ZNF738: variants seen among roughly 807,000 people sequenced by gnomAD.
ZNF738 encodes zinc finger protein 738, also known as protein ZNF738.
In ZNF738, 10 loss-of-function variants were observed where a neutral mutation model predicts 9.2. That is an observed-to-expected ratio of 1.09 (90% confidence interval 0.67 to 1.85). ZNF738 has a LOEUF of 1.85. ZNF738 is among the 40% of genes most tolerant of loss of function. The pLI, the probability that ZNF738 is intolerant of heterozygous loss-of-function variation, is 0.00. For missense variants in ZNF738, 346 were observed against 283.6 expected (o/e 1.22, Z -1.58); for synonymous variants, 113 against 94.5 (o/e 1.20, Z -1.14).
In ZNF738 at chr19:21,386,676, G is replaced by GA; in HGVS notation, c.*3007dup. On this transcript the variant is annotated 3_prime_UTR_variant, in exon 5 of 5. Transcript: ENST00000683779. Reference sequence around the variant, plus strand: ...TATTGGAGATTAACCTTATGAGTGTGAAAAATATGGCAAAAGCTTTAACTA... The same window carrying GA: ...TATTGGAGATTAACCTTATGAGTGTGAAAAAATATGGCAAAAGCTTTAACTA... 5.5e-6 allele frequency: 1 copy of GA among 183,124 alleles called. No homozygotes were observed. 11.3% of individuals were successfully genotyped at this position (183,124 alleles called of 1,614,324 possible).
Position 21,383,737 on chromosome 19 carries a change from G to C in ZNF738, c.*63G>C. The C allele has an allele frequency of 1.8e-6, 2 of 1,096,692 alleles. No homozygotes were observed. The highest frequency in any genetic ancestry group is 2.5e-5 in the South Asian group (2 of 81,008). The allele number at this position is 1,096,692 out of a possible 1,614,324, so 67.9% of individuals were successfully genotyped here. On this transcript the variant is annotated 3_prime_UTR_variant, in exon 5 of 5. Transcript: ENST00000683779. Reference sequence around the variant, plus strand: ...GACATAAGATAATTCATACTGAAGAGAAACCCTACAAATGTGAGGAATGTG... The same window carrying C: ...GACATAAGATAATTCATACTGAAGACAAACCCTACAAATGTGAGGAATGTG...
In ZNF738 at chr19:21,382,868, A is replaced by C. The variant is rs1356133539; in HGVS notation, c.322A>C (p.Thr108Pro). The stretch of plus-strand genomic sequence containing the variant: ...CTTGATATTTTTATTTCTTTCAGTT[A>C]CATATTCTCATTTTGCCCAGGACCT... ...RHSMVATPPV[T>P]YSHFAQDLWP... The change falls in exon 5 of 5, where the codon ACA (threonine) becomes CCA (proline). Residue 108 changes from threonine to proline, a missense_variant and splice_region_variant. Thr to Pro is a conservative substitution (Grantham distance 38). Transcript: ENST00000683779. The C allele has an allele frequency of 4.4e-6, 2 of 450,062 alleles. No individual in the cohort carries two copies. The highest frequency in any genetic ancestry group is 8.6e-6 in the Non-Finnish European group (2 of 233,606). The allele number at this position is 450,062 out of a possible 1,614,324, so 27.9% of individuals were successfully genotyped here.
intron 2 of ZNF738, among the ~76,000 whole-genome samples, chr19:21,368,500 G>A (rs1171854543): frequency 1.3e-5 from 2 of 151,006 alleles, no homozygotes; most frequent in African/African-American, 2.4e-5. Flanking sequence ...TGCTCTTGTT[G>A]TCCAGGCTGG....
intron 2 of ZNF738, among the ~76,000 whole-genome samples, chr19:21,366,572 G>A (rs534381888): frequency 2.0e-5 from 3 of 152,250 alleles, no homozygotes; most frequent in South Asian, 2.1e-4. Flanking sequence ...GAGGGTTCTT[G>A]TATCTTGCTC....
intron 2 of ZNF738, among the ~76,000 whole-genome samples, chr19:21,369,144 T>C (rs989995464): frequency 4.6e-5 from 7 of 152,180 alleles, no homozygotes; most frequent in African/African-American, 1.7e-4. Context: ...CTCTGTCACA[T>C]AGGATGGAAT....
intron 2 of ZNF738, chr19:21,372,624 C>G (rs1022508012): frequency 3.9e-5 from 6 of 152,190 alleles, no homozygotes; most frequent in African/African-American, 1.4e-4. Flanking sequence ...AGTAGCTGCT[C>G]TACAAGTCAT....
rs757242537 is a variant in ZNF738, at chr19:21,375,864, A to G, written c.224-5A>G. 1.3e-6 allele frequency: 1 copy of G among 781,910 alleles called. No homozygotes were observed. Among genetic ancestry groups the G allele is most frequent in the South Asian group, 1.4e-5 (1 of 73,504 alleles). The allele number at this position is 781,910 out of a possible 1,614,324, so 48.4% of individuals were successfully genotyped here. On this transcript the variant is annotated splice_region_variant and splice_polypyrimidine_tract_variant and intron_variant, in intron 3 of 4. Transcript: ENST00000683779. ...GATTCATGTTATTTATTTTTAATAA[A>G]TCAGGTATTGATGTCTCTAAGCCAG...
At chr19:21,381,337 C>T in intron 4 of ZNF738, 1 of 1,534,084 alleles carries the variant, frequency 6.5e-7, no homozygotes, top group Non-Finnish European at 9.0e-7. Flanking sequence ...AAACTGTTAG[C>T]TTTGCTTTCT....
At chr19:21,381,077 A>G (rs1599720008) in intron 4 of ZNF738, 1 of 639,412 alleles carries the variant, frequency 1.6e-6, no homozygotes, top group Non-Finnish European at 2.8e-6. Context: ...CTAACACACT[A>G]GCTTCATTTT....
chr19:21,382,907 G>C lies in ZNF738; in HGVS notation c.361G>C (p.Gly121Arg), dbSNP rs1974022056. ...HFAQDLWPQP[G>R]IKDSFQKVIL... ...TGCCCAGGACCTTTGGCCACAGCCG[G>C]GCATAAAAGATTCTTTCCAAAAAGT... Residue 121 changes from glycine (G) to arginine (R), a missense_variant, in exon 5 of 5, where the codon GGC (glycine) becomes CGC (arginine). Gly to Arg is a moderately radical substitution (Grantham distance 125). Coordinates refer to ENST00000683779, the MANE Select transcript of ZNF738 (RefSeq NM_001355237.2). 1 of 532,924 alleles carries C rather than the reference G, an allele frequency of 1.9e-6. No homozygotes were observed. Among genetic ancestry groups the C allele is most frequent in the Non-Finnish European group, 3.6e-6 (1 of 280,150 alleles). The allele number at this position is 532,924 out of a possible 1,614,324, so 33.0% of individuals were successfully genotyped here.
chr19:21,374,563 T>A (rs1221933748), intron 2 of ZNF738, among the ~76,000 whole-genome samples: 1 of 152,258 alleles, frequency 6.6e-6, no homozygotes, highest in African/African-American at 2.4e-5. Context: ...TTATTAAGTA[T>A]CTTTATGTAG....
rs770552241 is a variant in ZNF738 at position 21,359,126 on chromosome 19, C to G, written c.-15C>G. 2.9e-6 allele frequency: 3 copies of G among 1,024,730 alleles called. No individual in the cohort carries two copies. In the South Asian group the frequency reaches 3.8e-5, roughly 13 times the overall value. 63.5% of individuals were successfully genotyped at this position (1,024,730 alleles called of 1,614,324 possible). On this transcript the variant is annotated 5_prime_UTR_variant, in exon 1 of 5. Transcript: ENST00000683779. ...ATCCACAGCTAAGACGCCGGGACAC[C>G]CTGGAAGCCTAGAAATGGTGAGAGT...
At chr19:21,362,636 C>G (rs1358581533) in intron 2 of ZNF738, among the ~76,000 whole-genome samples, 1 of 152,118 alleles carries the variant, frequency 6.6e-6, no homozygotes, top group Non-Finnish European at 1.5e-5. Context: ...TGTAAGGTTA[C>G]ATTATATTAG....
intron 2 of ZNF738, among the ~76,000 whole-genome samples, chr19:21,368,580 C>T (rs1973817355): frequency 6.6e-6 from 1 of 152,066 alleles, no homozygotes; most frequent in Admixed American, 6.6e-5. Context: ...GCCTCAGCCA[C>T]CCGAGTAGCT....
chr19:21,374,178 A>G (rs973018739), intron 2 of ZNF738, among the ~76,000 whole-genome samples: 1 of 152,206 alleles, frequency 6.6e-6, no homozygotes, highest in Non-Finnish European at 1.5e-5. Flanking sequence ...GTTCTTCATT[A>G]GCTCTGTTCA....
chr19:21,376,172 T>TAGA (rs1973925410), intron 4 of ZNF738: 1 of 377,574 alleles, frequency 2.6e-6, no homozygotes, highest in East Asian at 5.2e-5. Context: ...GCTTTTAAAT[T>TAGA]CTCTAAGGAT....
At chr19:21,365,490 C>T (rs1973764037) in intron 2 of ZNF738, among the ~76,000 whole-genome samples, 1 of 152,152 alleles carries the variant, frequency 6.6e-6, no homozygotes, top group Admixed American at 6.5e-5. Context: ...AATTCATCTT[C>T]TGTAACTACT....
Position 21,383,842 on chromosome 19 carries a change from G to A in ZNF738, c.*168G>A. 1 of 1,328,868 alleles carries A rather than the reference G, an allele frequency of 7.5e-7. No homozygotes were observed. The highest frequency in any genetic ancestry group is 1.4e-5 in the African/African-American group (1 of 69,302). 82.3% of individuals were successfully genotyped at this position (1,328,868 alleles called of 1,614,324 possible). Reference sequence around the variant, plus strand: ...GAGAAACCCTACAAATGTGGAGAATGTGGCAAAGCTTTCTTCAGATTCTCA... The same window carrying A: ...GAGAAACCCTACAAATGTGGAGAATATGGCAAAGCTTTCTTCAGATTCTCA... On this transcript the variant is annotated 3_prime_UTR_variant, in exon 5 of 5. Coordinates refer to ENST00000683779, the MANE Select transcript of ZNF738 (RefSeq NM_001355237.2).
intron 2 of ZNF738, among the ~76,000 whole-genome samples, chr19:21,363,400 C>T (rs1040069360): frequency 6.6e-5 from 10 of 152,108 alleles, no homozygotes; most frequent in African/African-American, 2.2e-4. Context: ...GCCTCTCCTG[C>T]AGATGTTCTA....
Sources: gnomAD v4.1 joint callset for allele counts (sites outside exome capture counted in the v4.1 genomes callset) on GRCh38, gnomAD v4.1.1 for gene constraint, MANE v1.5 for transcripts, NCBI Gene and HGNC (gene_info 2026-07-23, HGNC 2026-07-21) for gene names.